The following LDLRAD3 variants were observed in gnomAD, a reference collection of about 807,000 sequenced individuals.
The protein encoded by LDLRAD3 is low density lipoprotein receptor class A domain containing 3, also known as low-density lipoprotein receptor class A domain-containing protein 3.
LDLRAD3 carries 20 observed loss-of-function variants against 29.4 expected under a neutral mutation model. That is an observed-to-expected ratio of 0.68 (90% CI 0.48 to 0.99). The LOEUF (loss-of-function observed/expected upper bound fraction) is 0.99, where lower values mean the gene tolerates loss of function less well. Ranked by LOEUF, LDLRAD3 falls within the 50% of genes least tolerant of loss-of-function variation. The pLI is 0.00. For synonymous variants in LDLRAD3, 157 were observed against 192.7 expected, an observed-to-expected ratio of 0.81 and a Z score of 1.53; for missense variants, 420 against 454.3, an observed-to-expected ratio of 0.92 and a Z score of 0.69.
At chr11:36,226,637 G>A (rs1014550360) in intron 4 of LDLRAD3, among the ~76,000 whole-genome samples, 5 of 152,160 alleles carry the variant, frequency 3.3e-5, no homozygotes, top group Admixed American at 3.3e-4. Flanking sequence ...AACCAGTTTC[G>A]GGACATTCCC....
intron 3 of LDLRAD3, among the ~76,000 whole-genome samples, chr11:36,090,989 G>A (rs1369639352): frequency 2.6e-5 from 4 of 152,322 alleles, no homozygotes; most frequent in African/African-American, 7.2e-5. Context: ...CACAAAGGGT[G>A]CAGGGCTTGT....
Position 36,229,639 on chromosome 11 carries a change from A to G in LDLRAD3, c.*242A>G. The G allele has an allele frequency of 6.2e-6, 3 of 480,212 alleles. No individual in the cohort carries two copies. Among genetic ancestry groups the G allele is most frequent in the Non-Finnish European group, 7.4e-6 (2 of 271,012 alleles). The allele number at this position is 480,212 out of a possible 1,614,324, so 29.7% of individuals were successfully genotyped here. ...GGTCACTCTTCCCTTGGGACCCGAG[A>G]TCACACCCTCATTTTTCACATTATT... On this transcript the variant is annotated 3_prime_UTR_variant, in exon 6 of 6. Transcript: ENST00000315571.
rs562079636 is a variant in LDLRAD3 at position 35,974,598 on chromosome 11, C to A, written c.46+30454C>A. 2.6e-5 allele frequency among the ~76,000 whole-genome samples: 4 copies of A among 152,348 alleles called. No homozygotes were observed. The South Asian group carries it at 8.3e-4, about 32-fold the overall frequency. Reference sequence around the variant, plus strand: ...CTTAGCTCAGGTTATTAGCAAAATTCATTTCCTTGCAGACAGCCAGATTAA... The same window carrying A: ...CTTAGCTCAGGTTATTAGCAAAATTAATTTCCTTGCAGACAGCCAGATTAA... On this transcript the variant is annotated intron_variant, in intron 1 of 5. Coordinates refer to ENST00000315571, the MANE Select transcript of LDLRAD3 (RefSeq NM_174902.4).
chr11:36,045,206 T>G (rs1350680878), intron 2 of LDLRAD3, among the ~76,000 whole-genome samples: 1 of 152,246 alleles, frequency 6.6e-6, no homozygotes, highest in East Asian at 1.9e-4. Context: ...TACAGACGTT[T>G]CCAGGTTGTC....
intron 1 of LDLRAD3, among the ~76,000 whole-genome samples, chr11:36,021,898 A>G (rs1177236063): frequency 1.3e-5 from 2 of 152,032 alleles, no homozygotes; most frequent in African/African-American, 4.8e-5. Context: ...TAATCCTCCT[A>G]CCTGAGCCCT....
chr11:36,089,830 T>C (rs1026273955), intron 3 of LDLRAD3, among the ~76,000 whole-genome samples: 9 of 151,396 alleles, frequency 5.9e-5, no homozygotes, highest in African/African-American at 2.2e-4. Flanking sequence ...TTGAATGGTC[T>C]CAAACTCCTA....
chr11:35,957,235 C>G (rs1279879566), intron 1 of LDLRAD3, among the ~76,000 whole-genome samples: 1 of 152,140 alleles, frequency 6.6e-6, no homozygotes, highest in Non-Finnish European at 1.5e-5. Flanking sequence ...AATTTCATGT[C>G]CTGCTTTTTT....
chr11:36,190,456 C>T (rs866226854), intron 4 of LDLRAD3, among the ~76,000 whole-genome samples: 1 of 152,112 alleles, frequency 6.6e-6, no homozygotes, highest in Non-Finnish European at 1.5e-5. Context: ...GTTATGATTG[C>T]ACCACTGCAT....
intron 4 of LDLRAD3, among the ~76,000 whole-genome samples, chr11:36,180,053 G>A (rs911088392): frequency 2.0e-5 from 3 of 152,140 alleles, no homozygotes; most frequent in South Asian, 2.1e-4. Flanking sequence ...CCAGCCCAAC[G>A]CACAGATCAG....
intron 4 of LDLRAD3, among the ~76,000 whole-genome samples, chr11:36,144,804 TGG>T (rs1353865746): frequency 2.8e-5 from 2 of 72,154 alleles, no homozygotes; most frequent in Admixed American, 1.3e-4. Context: ...GGGAGGGAGG[TGG>T]GGGGGTCAGC....
intron 4 of LDLRAD3, among the ~76,000 whole-genome samples, chr11:36,105,632 G>A (rs1012289423): frequency 3.9e-5 from 6 of 152,236 alleles, no homozygotes; most frequent in African/African-American, 1.2e-4. Flanking sequence ...ACCATGTGAA[G>A]GTGAAGGCAG....
chr11:36,124,763 C>CATGA (rs1441817301), intron 4 of LDLRAD3, among the ~76,000 whole-genome samples: 1 of 151,334 alleles, frequency 6.6e-6, no homozygotes, highest in Non-Finnish European at 1.5e-5. Flanking sequence ...ATGATCTTGG[C>CATGA]TCACTGCAAC....
At chr11:36,116,338 A>C (rs1473471759) in intron 4 of LDLRAD3, among the ~76,000 whole-genome samples, 1 of 152,222 alleles carries the variant, frequency 6.6e-6, no homozygotes, top group Non-Finnish European at 1.5e-5. Context: ...GCTTGGTTCC[A>C]TCTGGTATCT....
chr11:36,077,634 G>A (rs1853036627), intron 2 of LDLRAD3, among the ~76,000 whole-genome samples: 1 of 152,234 alleles, frequency 6.6e-6, no homozygotes, highest in African/African-American at 2.4e-5. Flanking sequence ...GCTGCAGGTG[G>A]ACCAGGCATA....
At chr11:35,984,156 A>G (rs2133160174) in intron 1 of LDLRAD3, among the ~76,000 whole-genome samples, 1 of 152,260 alleles carries the variant, frequency 6.6e-6, no homozygotes, top group East Asian at 1.9e-4. Context: ...ACATTTTAGA[A>G]AGGGCCCTCA....
At position 36,022,349 on chromosome 11, in the gene LDLRAD3, C is replaced by T. The variant is rs12805237; in HGVS notation, c.47-13754C>T. On this transcript the variant is annotated intron_variant, in intron 1 of 5. Coordinates refer to ENST00000315571, the MANE Select transcript of LDLRAD3 (RefSeq NM_174902.4). The stretch of plus-strand genomic sequence containing the variant: ...TTATAACACCTTTAAGAAATGAGCC[C>T]TAGTTAATCTTATGGCCACTATTTG... 2.0e-3 allele frequency among the ~76,000 whole-genome samples: 298 copies of T among 152,102 alleles called. 2 individuals carry two copies. Among genetic ancestry groups the T allele is most frequent in the South Asian group, 3.1e-3 (15 of 4,818 alleles).
chr11:36,194,852 A>G (rs117763226), intron 4 of LDLRAD3, among the ~76,000 whole-genome samples: 1 of 152,322 alleles, frequency 6.6e-6, no homozygotes, highest in East Asian at 1.9e-4. Flanking sequence ...ATTTACAACA[A>G]TACGGTGATA....
chr11:36,039,638 C>T (rs779271785), intron 2 of LDLRAD3, among the ~76,000 whole-genome samples: 1 of 152,124 alleles, frequency 6.6e-6, no homozygotes, highest in Non-Finnish European at 1.5e-5. Flanking sequence ...TGGGGAAATA[C>T]GGTTCAATTA....
chr11:35,968,403 T>C (rs964377673), intron 1 of LDLRAD3: 1 of 362,674 alleles, frequency 2.8e-6, no homozygotes, highest in Non-Finnish European at 5.5e-6. Context: ...GGCTGCTTGT[T>C]CCTGTTGCCT....
Sources: gnomAD v4.1 joint callset for allele counts (sites outside exome capture counted in the v4.1 genomes callset) on GRCh38, gnomAD v4.1.1 for gene constraint, MANE v1.5 for transcripts, NCBI Gene and HGNC (gene_info 2026-07-23, HGNC 2026-07-21) for gene names.